The following GPER1 variants were observed in gnomAD, a reference collection of about 807,000 sequenced individuals.
GPER1 encodes the protein G protein-coupled estrogen receptor 1.
Under a neutral mutation model 0.6 loss-of-function variants are expected in GPER1, and 2 were observed. That is an observed-to-expected ratio of 3.41 (90% CI 1.39 to 10.72). The LOEUF (loss-of-function observed/expected upper bound fraction) is 10.72, where lower values mean the gene tolerates loss of function less well. GPER1 is among the 30% of genes most tolerant of loss of function. The probability of loss-of-function intolerance (pLI) is 0.04; values close to 1 mark genes in which losing one functional copy is unlikely to be tolerated. For missense variants in GPER1, 441 were observed against 535.2 expected (o/e 0.82, Z 1.74); for synonymous variants, 263 against 247.6 (o/e 1.06, Z -0.58).
At position 1,091,503 on chromosome 7, in the gene GPER1, C is replaced by T. The variant is rs1253563680; in HGVS notation, c.-226C>T. 3.8e-6 allele frequency: 2 copies of T among 525,104 alleles called. No individual in the cohort carries two copies. The highest frequency in any genetic ancestry group is 6.7e-6 in the Non-Finnish European group (2 of 298,354). 32.5% of individuals were successfully genotyped at this position (525,104 alleles called of 1,614,324 possible). On this transcript the variant is annotated 5_prime_UTR_variant, in exon 2 of 2. Coordinates refer to ENST00000397088, the MANE Select transcript of GPER1 (RefSeq NM_001098201.3). The stretch of plus-strand genomic sequence containing the variant: ...CGAGCACGCGGAGGGCCCTCGCCTC[C>T]ACGGATGCACCATGCCGGTGTGAGG...
In GPER1 at chr7:1,091,808, C is replaced by A; in HGVS notation, c.80C>A (p.Thr27Asn). Residue 27 changes from threonine to asparagine, a missense_variant, in exon 2 of 2, where the codon ACC (threonine) becomes AAC (asparagine). Thr to Asn is a moderately conservative substitution (Grantham distance 65, BLOSUM62 0). Transcript: ENST00000397088. ...GTAQPAAPNT[T>N]SPELNLSHPL... Reference sequence around the variant, plus strand: ...GCGCAGCCTGCGGCCCCCAACACCACCTCCCCCGAGCTCAACCTGTCCCAC... The same window carrying A: ...GCGCAGCCTGCGGCCCCCAACACCAACTCCCCCGAGCTCAACCTGTCCCAC... 6.3e-7 allele frequency: 1 copy of A among 1,593,422 alleles called. No individual in the cohort carries two copies. Among genetic ancestry groups the A allele is most frequent in the Non-Finnish European group, 8.6e-7 (1 of 1,166,964 alleles).
intron 1 of GPER1, among the ~76,000 whole-genome samples, chr7:1,090,090 A>G (rs1038620562): frequency 6.6e-6 from 1 of 152,170 alleles, no homozygotes; most frequent in African/African-American, 2.4e-5. Context: ...ATTCAAAACA[A>G]TAACTCCTAA....
rs1231101001 is a variant in GPER1, at chr7:1,093,483, C to G, written c.*627C>G. The stretch of plus-strand genomic sequence containing the variant: ...GCGCTGTGCGGCCTCACCAGGCCCA[C>G]GAGGAGCAGCAGCGCTCGGCCCGGA... On this transcript the variant is annotated 3_prime_UTR_variant, in exon 2 of 2. Coordinates refer to ENST00000397088, the MANE Select transcript of GPER1 (RefSeq NM_001098201.3). The G allele has an allele frequency of 6.4e-6, 3 of 469,740 alleles. No individual in the cohort carries two copies. The highest frequency in any genetic ancestry group is 8.8e-6 in the Non-Finnish European group (2 of 226,626). 29.1% of individuals were successfully genotyped at this position (469,740 alleles called of 1,614,324 possible).
Position 1,092,556 on chromosome 7 carries a change from C to T in GPER1, c.828C>T (p.Asn276=), listed in dbSNP as rs200314011. 6.2e-6 allele frequency: 10 copies of T among 1,609,794 alleles called. No individual in the cohort carries two copies. Among genetic ancestry groups the T allele is most frequent in the East Asian group, 2.2e-5 (1 of 44,894 alleles). Residue 276 remains asparagine, a synonymous_variant, in exon 2 of 2, where the codon AAC becomes AAT. Coordinates refer to ENST00000397088, the MANE Select transcript of GPER1 (RefSeq NM_001098201.3). ...LVFFVCWLPE[N]VFISVHLLQR... ...TCTTCGTCTGCTGGCTGCCGGAGAA[C>T]GTCTTCATCAGCGTGCACCTCCTGC...
intron 1 of GPER1, among the ~76,000 whole-genome samples, 186 bp from the exon 2 acceptor site, chr7:1,091,221 C>T (rs1292273008): frequency 6.6e-6 from 1 of 152,190 alleles, no homozygotes; most frequent in African/African-American, 2.4e-5. Context: ...CATGTACTTC[C>T]CACAGGCGAC....
In GPER1 at chr7:1,093,497, G is replaced by A. The variant is rs1192870883; in HGVS notation, c.*641G>A. ...CACCAGGCCCACGAGGAGCAGCAGC[G>A]CTCGGCCCGGAGCAGCAGGAAGGCC... On this transcript the variant is annotated 3_prime_UTR_variant, in exon 2 of 2. Coordinates refer to ENST00000397088, the MANE Select transcript of GPER1 (RefSeq NM_001098201.3). 2.3e-5 allele frequency: 11 copies of A among 470,418 alleles called. No individual in the cohort carries two copies. In the East Asian group the frequency reaches 4.2e-4, roughly 18 times the overall value. The allele number at this position is 470,418 out of a possible 1,614,324, so 29.1% of individuals were successfully genotyped here. A position where few individuals can be genotyped will look rare whatever the true frequency, so the allele number is the denominator to read the frequency against.
chr7:1,092,196 C>T lies in GPER1; in HGVS notation c.468C>T (p.Tyr156=), dbSNP rs747929153. The T allele has an allele frequency of 1.5e-4, 241 of 1,613,150 alleles. No homozygotes were observed. The highest frequency in any genetic ancestry group is 1.8e-4 in the Non-Finnish European group (218 of 1,180,038). Residue 156 remains tyrosine (Y), a synonymous_variant, in exon 2 of 2, where the codon TAC becomes TAT. Coordinates refer to ENST00000397088, the MANE Select transcript of GPER1 (RefSeq NM_001098201.3). The part of the protein sequence containing the change: ...FFLTWMSFDR[Y]IALARAMRCS... Reference sequence around the variant, plus strand: ...TCACCTGGATGAGCTTCGACCGCTACATCGCCCTGGCCAGGGCCATGCGCT... The same window carrying T: ...TCACCTGGATGAGCTTCGACCGCTATATCGCCCTGGCCAGGGCCATGCGCT...
rs914819443 is a variant in GPER1 at position 1,088,977 on chromosome 7, C to T, written c.-323+656C>T. Reference sequence around the variant, plus strand: ...TTACATGGGAAAGAAATGAATGACTCGTTTTTAAACTATTTTTCCCTTGGA... The same window carrying T: ...TTACATGGGAAAGAAATGAATGACTTGTTTTTAAACTATTTTTCCCTTGGA... On this transcript the variant is annotated intron_variant, in intron 1 of 1. Coordinates refer to ENST00000397088, the MANE Select transcript of GPER1 (RefSeq NM_001098201.3). The surrounding 1 kb of genome is among the most constrained non-coding windows in gnomAD (Gnocchi z 4.5). Among the ~76,000 whole-genome samples, 2 of 152,002 alleles carry T rather than the reference C, an allele frequency of 1.3e-5. No individual in the cohort carries two copies. Among genetic ancestry groups the T allele is most frequent in the South Asian group, 2.1e-4 (1 of 4,802 alleles).
At chr7:1,087,145 G>A (rs1445211870), upstream of GPER1, 1 of 152,262 alleles carries the variant, frequency 6.6e-6, no homozygotes, top group Non-Finnish European at 1.5e-5. Context: ...AGTCCGGGGA[G>A]GGAGGTTTAT....
chr7:1,092,699 A>C lies in GPER1; in HGVS notation c.971A>C (p.Tyr324Ser). 6.2e-7 allele frequency: 1 copy of C among 1,612,970 alleles called. No individual in the cohort carries two copies. Among genetic ancestry groups the C allele is most frequent in the Non-Finnish European group, 8.5e-7 (1 of 1,179,884 alleles). Residue 324 changes from tyrosine (Y) to serine (S), a missense_variant, in exon 2 of 2, where the codon TAC (tyrosine) becomes TCC (serine). Physicochemically the swap from Tyr to Ser is moderately radical, Grantham distance 144. Coordinates refer to ENST00000397088, the MANE Select transcript of GPER1 (RefSeq NM_001098201.3). The part of the protein sequence containing the change: ...FSNSCLNPLI[Y>S]SFLGETFRDK... ...AACAGCTGCCTAAACCCCCTCATCT[A>C]CAGCTTTCTCGGGGAGACCTTCAGG...
chr7:1,087,540 G>A (rs922980144), upstream of GPER1, among the ~76,000 whole-genome samples: 2 of 152,058 alleles, frequency 1.3e-5, no homozygotes, highest in Non-Finnish European at 2.9e-5. Flanking sequence ...ACTGCAGCCC[G>A]CCACACGAGG....
chr7:1,093,409 G>A lies in GPER1; in HGVS notation c.*553G>A, dbSNP rs748928065. The A allele has an allele frequency of 1.3e-5, 6 of 456,358 alleles. No homozygotes were observed. Among genetic ancestry groups the A allele is most frequent in the Admixed American group, 9.5e-5 (4 of 41,978 alleles). 28.3% of individuals were successfully genotyped at this position (456,358 alleles called of 1,614,324 possible). On this transcript the variant is annotated 3_prime_UTR_variant, in exon 2 of 2. Coordinates refer to ENST00000397088, the MANE Select transcript of GPER1 (RefSeq NM_001098201.3). ...TTAAAGAGGAGAAGGAAAACATGCTGCTCTGGTGCACGCCTGAGCGTCCTC... is the reference window on the plus strand; with the variant it reads ...TTAAAGAGGAGAAGGAAAACATGCTACTCTGGTGCACGCCTGAGCGTCCTC...
Position 1,092,325 on chromosome 7 carries a change from G to C in GPER1, c.597G>C (p.Gln199His). The part of the protein sequence containing the change: ...TLVPFTAVHL[Q>H]HTDEACFCFA... ...TGCCCTTCACCGCCGTGCACCTGCAGCACACCGACGAGGCCTGCTTCTGTT... is the reference window on the plus strand; with the variant it reads ...TGCCCTTCACCGCCGTGCACCTGCACCACACCGACGAGGCCTGCTTCTGTT... Residue 199 changes from glutamine to histidine, a missense_variant, in exon 2 of 2, where the codon CAG becomes CAC. Physicochemically the swap from Gln to His is conservative, Grantham distance 24 (BLOSUM62 0). Coordinates refer to ENST00000397088, the MANE Select transcript of GPER1 (RefSeq NM_001098201.3). 6.2e-7 allele frequency: 1 copy of C among 1,611,484 alleles called. No homozygotes were observed. Among genetic ancestry groups the C allele is most frequent in the Non-Finnish European group, 8.5e-7 (1 of 1,179,496 alleles).
At position 1,091,911 on chromosome 7, in the gene GPER1, C is replaced by T; in HGVS notation, c.183C>T (p.Leu61=). Reference sequence around the variant, plus strand: ...AGCAGTACGTGATCGGCCTGTTCCTCTCGTGCCTCTACACCATCTTCCTCT... The same window carrying T: ...AGCAGTACGTGATCGGCCTGTTCCTTTCGTGCCTCTACACCATCTTCCTCT... The part of the protein sequence containing the change: ...EHQQYVIGLF[L]SCLYTIFLFP... The change falls in exon 2 of 2, where the codon CTC becomes CTT. Residue 61 remains leucine (L), a synonymous_variant. Coordinates refer to ENST00000397088, the MANE Select transcript of GPER1 (RefSeq NM_001098201.3). 6.2e-7 allele frequency: 1 copy of T among 1,614,080 alleles called. No homozygotes were observed. The highest frequency in any genetic ancestry group is 8.5e-7 in the Non-Finnish European group (1 of 1,179,980).
rs1262516889 is a variant in GPER1 at position 1,091,434 on chromosome 7, G to A, written c.-295G>A. 2.9e-5 allele frequency: 11 copies of A among 384,078 alleles called. No individual in the cohort carries two copies. The highest frequency in any genetic ancestry group is 6.9e-4 in the Middle Eastern group (1 of 1,452). The allele number at this position is 384,078 out of a possible 1,614,324, so 23.8% of individuals were successfully genotyped here. A position where few individuals can be genotyped will look rare whatever the true frequency, so the allele number is the denominator to read the frequency against. On this transcript the variant is annotated 5_prime_UTR_variant, in exon 2 of 2. Transcript: ENST00000397088. ...ACCCAGAGAGTGAGCAGCTCCACGC[G>A]GGACTGTGCACGGTGGCCGACACCC...
chr7:1,091,810 TC>T lies in GPER1; in HGVS notation c.87del (p.Glu30SerfsTer27). The T allele has an allele frequency of 3.1e-6, 5 of 1,593,002 alleles. No homozygotes were observed. Among genetic ancestry groups the T allele is most frequent in the Non-Finnish European group, 4.3e-6 (5 of 1,166,720 alleles). On this transcript the variant is annotated frameshift_variant, in exon 2 of 2. Transcript: ENST00000397088. LOFTEE classifies it low-confidence loss of function (END_TRUNC). ...TAQPAAPNTTSPELNLSHPLL... is the reference protein window; with the variant it reads ...TAQPAAPNTTXPELNLSHPLL... ...GCAGCCTGCGGCCCCCAACACCACC[TC>T]CCCCGAGCTCAACCTGTCCCACCCG...
chr7:1,087,868 A>G (rs1210389990), upstream of GPER1, among the ~76,000 whole-genome samples: 2 of 152,252 alleles, frequency 1.3e-5, no homozygotes, highest in Admixed American at 6.5e-5. Context: ...AACACCTAGT[A>G]TGATGCCTTC....
chr7:1,092,253 G>C lies in GPER1; in HGVS notation c.525G>C (p.Arg175=). Residue 175 remains arginine (R), a synonymous_variant, in exon 2 of 2, where the codon CGG becomes CGC. Transcript: ENST00000397088. ...CSLFRTKHHA[R]LSCGLIWMAS... ...TGTTCCGCACCAAGCACCACGCCCG[G>C]CTGAGCTGTGGCCTCATCTGGATGG... 6.2e-7 allele frequency: 1 copy of C among 1,612,318 alleles called. No homozygotes were observed. The highest frequency in any genetic ancestry group is 8.5e-7 in the Non-Finnish European group (1 of 1,180,022).
upstream of GPER1, among the ~76,000 whole-genome samples, chr7:1,087,445 C>T (rs1369251317): frequency 1.3e-5 from 2 of 152,252 alleles, no homozygotes; most frequent in Admixed American, 6.5e-5. Flanking sequence ...GTGTTTCATA[C>T]ACACCTTATA....
Sources: gnomAD v4.1 joint callset for allele counts (sites outside exome capture counted in the v4.1 genomes callset) on GRCh38, gnomAD v4.1.1 for gene constraint, Gnocchi (gnomAD v3.1) non-coding constraint, MANE v1.5 for transcripts, NCBI Gene and HGNC (gene_info 2026-07-23, HGNC 2026-07-21) for gene names.